Variants in GNB1 observed in about 807,000 individuals in gnomAD.
GNB1 encodes G protein subunit beta 1, also known as guanine nucleotide-binding protein G(I)/G(S)/G(T) subunit beta-1.
A neutral mutation model predicts 42.9 loss-of-function variants in GNB1; 2 were observed. The ratio of observed to expected loss-of-function variants is 0.05; its 90% CI spans 0.02 to 0.15. GNB1 has a LOEUF of 0.15. GNB1 is among the 10% of genes least tolerant of loss of function. The pLI, the probability that GNB1 is intolerant of heterozygous loss-of-function variation, is 1.00. For missense variants in GNB1, 193 were observed against 462.2 expected (o/e 0.42, Z 5.34); for synonymous variants, 183 against 174.7 (o/e 1.05, Z -0.38).
intron 4 of GNB1, 67 bp from the exon 5 acceptor site, chr1:1,815,929 T>C (rs781341513): frequency 2.1e-4 from 210 of 980,718 alleles, no homozygotes; most frequent in Non-Finnish European, 3.2e-4. Context: ...TCACCCATCC[T>C]TGTCAAGGCT....
At chr1:1,834,322 G>A (rs762773291) in intron 2 of GNB1, among the ~76,000 whole-genome samples, 38 of 152,070 alleles carry the variant, frequency 2.5e-4, no homozygotes, top group Admixed American at 1.4e-3. Flanking sequence ...TGACTCTCCC[G>A]AAGCCTTATT....
chr1:1,814,679 G>GTGGCCTAT (rs2100840100), intron 5 of GNB1, among the ~76,000 whole-genome samples: 1 of 151,966 alleles, frequency 6.6e-6, no homozygotes, highest in African/African-American at 2.4e-5. Context: ...GCACATGCCT[G>GTGGCCTAT]TGGCCTATGC....
At chr1:1,802,170 G>C (rs537652399) in intron 7 of GNB1, among the ~76,000 whole-genome samples, 11 of 152,256 alleles carry the variant, frequency 7.2e-5, no homozygotes, top group South Asian at 2.1e-4. Flanking sequence ...ATTTGAACAT[G>C]CCAAAAATCT....
intron 1 of GNB1, among the ~76,000 whole-genome samples, chr1:1,842,262 C>G (rs1647272778): frequency 6.6e-6 from 1 of 152,174 alleles, no homozygotes; most frequent in African/African-American, 2.4e-5. Flanking sequence ...AACCCCATCT[C>G]TACTAAAAAT....
At chr1:1,837,725 A>C (rs1647171933) in intron 2 of GNB1, among the ~76,000 whole-genome samples, 1 of 146,816 alleles carries the variant, frequency 6.8e-6, no homozygotes, top group African/African-American at 2.5e-5. Context: ...CACGTGGCTA[A>C]ATCTTTTCCT....
At chr1:1,817,937 A>G (rs1646878889) in intron 3 of GNB1, 62 bp from the exon 4 acceptor site, 3 of 1,277,318 alleles carry the variant, frequency 2.3e-6, no homozygotes, top group South Asian at 2.4e-5. Flanking sequence ...TCAGGTCCAC[A>G]CATACCAAAG....
At chr1:1,867,845 C>G (rs1649030138) in intron 1 of GNB1, among the ~76,000 whole-genome samples, 1 of 152,130 alleles carries the variant, frequency 6.6e-6, no homozygotes, top group Admixed American at 6.6e-5. Flanking sequence ...TGATCCAATA[C>G]CTTTTACATG....
At chr1:1,862,798 C>G (rs1245514396) in intron 1 of GNB1, among the ~76,000 whole-genome samples, 1 of 152,104 alleles carries the variant, frequency 6.6e-6, no homozygotes, top group Non-Finnish European at 1.5e-5. Context: ...ATACACCCAG[C>G]AGAAAGGTAA....
chr1:1,869,185 C>CA (rs71578347), intron 1 of GNB1, among the ~76,000 whole-genome samples: 7,456 of 26,508 alleles, frequency 0.28, 1,559 homozygotes, highest in Non-Finnish European at 0.33. Context: ...GACACCTTCT[C>CA]AAAAAAAAAA....
intron 1 of GNB1, among the ~76,000 whole-genome samples, chr1:1,883,785 T>C (rs951524941): frequency 3.9e-5 from 6 of 152,182 alleles, no homozygotes; most frequent in South Asian, 4.1e-4. Flanking sequence ...ACACTGCAAA[T>C]CAGCCAGTGA....
At chr1:1,852,355 A>G (rs1367947183) in intron 1 of GNB1, among the ~76,000 whole-genome samples, 1 of 151,928 alleles carries the variant, frequency 6.6e-6, no homozygotes, top group Non-Finnish European at 1.5e-5. Flanking sequence ...CAGCCTCCCA[A>G]GTAGCTGGGA....
intron 1 of GNB1, among the ~76,000 whole-genome samples, chr1:1,843,884 A>G (rs1339997230): frequency 6.6e-6 from 1 of 151,716 alleles, no homozygotes; most frequent in Admixed American, 6.6e-5. Flanking sequence ...ACATGGTGAA[A>G]CCCTCTCCAC....
chr1:1,866,224 G>T (rs181527404), intron 1 of GNB1, among the ~76,000 whole-genome samples: 1 of 152,236 alleles, frequency 6.6e-6, no homozygotes, highest in African/African-American at 2.4e-5. Flanking sequence ...ACAGGCGTGC[G>T]CCACTGCGCC....
chr1:1,808,081 C>T (rs568692476), intron 5 of GNB1, among the ~76,000 whole-genome samples: 28 of 152,022 alleles, frequency 1.8e-4, no homozygotes, highest in African/African-American at 6.0e-4. Context: ...GTCGGCTCAC[C>T]GCAACCTCCA....
At chr1:1,852,263 C>T (rs1648028842) in intron 1 of GNB1, among the ~76,000 whole-genome samples, 1 of 151,998 alleles carries the variant, frequency 6.6e-6, no homozygotes, top group Non-Finnish European at 1.5e-5. Context: ...GCATCTTGCT[C>T]TGTCGCCCAG....
chr1:1,888,448 A>G (rs1429413117), intron 1 of GNB1, among the ~76,000 whole-genome samples: 2 of 151,594 alleles, frequency 1.3e-5, no homozygotes, highest in Admixed American at 1.3e-4. Context: ...ACCACCGCCC[A>G]ACACCTGCAG....
chr1:1,866,635 T>TTAA (rs1648955971), intron 1 of GNB1, among the ~76,000 whole-genome samples: 2 of 146,454 alleles, frequency 1.4e-5, no homozygotes, highest in East Asian at 2.0e-4. Context: ...CTGATGAGCT[T>TTAA]AAAAAAAAAA....
intron 2 of GNB1, among the ~76,000 whole-genome samples, chr1:1,831,743 A>G (rs1258855120): frequency 5.3e-5 from 8 of 150,990 alleles, no homozygotes. Context: ...GGTCACATGT[A>G]GTAATTGTAG....
intron 1 of GNB1, among the ~76,000 whole-genome samples, chr1:1,855,982 T>C (rs903476397): frequency 2.0e-5 from 3 of 152,236 alleles, no homozygotes; most frequent in African/African-American, 7.2e-5. Flanking sequence ...TCAGGACTCA[T>C]GGCGTAAAGC....
Sources: allele counts gnomAD v4.1 joint callset (sites outside exome capture counted in the v4.1 genomes callset), GRCh38; gene constraint gnomAD v4.1.1; transcripts MANE v1.5; gene names NCBI Gene and HGNC (gene_info 2026-07-23, HGNC 2026-07-21).